The following PHLPP1 variants were observed in gnomAD, a reference collection of about 807,000 sequenced individuals.
The protein encoded by PHLPP1 is PH domain and leucine rich repeat protein phosphatase 1.
In PHLPP1, 42 loss-of-function variants were observed where a neutral mutation model predicts 117.2. The ratio of observed to expected loss-of-function variants is 0.36; its 90% CI spans 0.28 to 0.46. The LOEUF is 0.46. Ranked by LOEUF, PHLPP1 falls within the 20% of genes least tolerant of loss-of-function variation. The pLI, the probability that PHLPP1 is intolerant of heterozygous loss-of-function variation, is 1.00. For synonymous variants in PHLPP1, 1,042 were observed against 970.7 expected, an observed-to-expected ratio of 1.07 and a Z score of -1.37; for missense variants, 2,084 against 2,241.9, an observed-to-expected ratio of 0.93 and a Z score of 1.42.
intron 3 of PHLPP1, among the ~76,000 whole-genome samples, chr18:62,846,163 GGTGCCACTGCACTCCAGCCTGGGCAATGA>G (rs1297098685): frequency 7.0e-6 from 1 of 142,938 alleles, no homozygotes; most frequent in Non-Finnish European, 1.5e-5. Context: ...GACCCAAGAT[GGTGCCACTGCACTCCAGCCTGGGCAATGA>G]GAGCAAAACT....
At chr18:62,790,555 T>A (rs1393507329) in intron 1 of PHLPP1, among the ~76,000 whole-genome samples, 1 of 152,204 alleles carries the variant, frequency 6.6e-6, no homozygotes, top group Non-Finnish European at 1.5e-5. Flanking sequence ...TAATCTAGAA[T>A]ACCACATGAC....
At chr18:62,718,521 C>T (rs1042448628) in intron 1 of PHLPP1, among the ~76,000 whole-genome samples, 1 of 152,132 alleles carries the variant, frequency 6.6e-6, no homozygotes, top group Non-Finnish European at 1.5e-5. Context: ...GGAAGTTTTT[C>T]TGAAATTTAA....
intron 3 of PHLPP1, among the ~76,000 whole-genome samples, chr18:62,841,395 C>T (rs1032027973): frequency 1.4e-5 from 2 of 143,930 alleles, no homozygotes; most frequent in East Asian, 2.1e-4. Context: ...TGTAATGGGA[C>T]GGTCTTGGCT....
At chr18:62,971,669 C>T (rs922837835) in intron 14 of PHLPP1, among the ~76,000 whole-genome samples, 27 of 135,292 alleles carry the variant, frequency 2.0e-4, no homozygotes, top group Admixed American at 1.1e-3. Flanking sequence ...GAAGCAGGCT[C>T]TCTCCAGGAT....
chr18:62,740,738 T>A (rs1911500830), intron 1 of PHLPP1, among the ~76,000 whole-genome samples: 1 of 152,172 alleles, frequency 6.6e-6, no homozygotes, highest in Non-Finnish European at 1.5e-5. Context: ...TTTGGGAGAC[T>A]GAGGCAGGGG....
chr18:62,936,647 C>T (rs964301454), intron 10 of PHLPP1, among the ~76,000 whole-genome samples: 9 of 152,172 alleles, frequency 5.9e-5, no homozygotes, highest in African/African-American at 2.2e-4. Flanking sequence ...CTGAGAAGGG[C>T]ACAACCTCTG....
At chr18:62,805,657 G>A (rs755111774) in intron 1 of PHLPP1, among the ~76,000 whole-genome samples, 1 of 152,066 alleles carries the variant, frequency 6.6e-6, no homozygotes, top group Non-Finnish European at 1.5e-5. Flanking sequence ...CACCATGCCC[G>A]ACCTTTTTCC....
intron 3 of PHLPP1, among the ~76,000 whole-genome samples, chr18:62,849,591 G>A (rs1371554116): frequency 2.0e-5 from 3 of 147,778 alleles, no homozygotes; most frequent in Non-Finnish European, 4.5e-5. Context: ...AACCCAGGAG[G>A]CGAAGCCAAG....
At chr18:62,892,483 G>T (rs1196566304) in intron 4 of PHLPP1, among the ~76,000 whole-genome samples, 2 of 152,134 alleles carry the variant, frequency 1.3e-5, no homozygotes, top group Non-Finnish European at 2.9e-5. Context: ...TATTACAAAA[G>T]CAGGTACTGT....
At chr18:62,836,756 C>A (rs1914915514) in intron 2 of PHLPP1, among the ~76,000 whole-genome samples, 1 of 149,638 alleles carries the variant, frequency 6.7e-6, no homozygotes, top group African/African-American at 2.5e-5. Context: ...AAAAAAAAAA[C>A]TTCTATATTT....
At chr18:62,930,417 A>C (rs1293908804) in intron 10 of PHLPP1, among the ~76,000 whole-genome samples, 2 of 152,158 alleles carry the variant, frequency 1.3e-5, no homozygotes, top group Non-Finnish European at 2.9e-5. Context: ...AAAGAGTAGG[A>C]GTTGCTATTC....
intron 1 of PHLPP1, among the ~76,000 whole-genome samples, chr18:62,791,812 TACTG>T (rs142201047): frequency 0.012 from 1,814 of 152,298 alleles, 29 homozygotes; most frequent in African/African-American, 0.042. Flanking sequence ...TCATTGCAGA[TACTG>T]ACTGTCATTG....
At chr18:62,889,305 T>A (rs1286090493) in intron 4 of PHLPP1, among the ~76,000 whole-genome samples, 1 of 152,178 alleles carries the variant, frequency 6.6e-6, no homozygotes, top group East Asian at 1.9e-4. Context: ...TAAGTCAGAA[T>A]CAGCTCTTAA....
At chr18:62,828,834 C>A (rs368148392) in intron 1 of PHLPP1, among the ~76,000 whole-genome samples, 12 of 152,244 alleles carry the variant, frequency 7.9e-5, no homozygotes, top group East Asian at 5.8e-4. Context: ...ATATGTTATT[C>A]CTGACTGGGG....
chr18:62,804,461 C>CA (rs1913880544), intron 1 of PHLPP1, among the ~76,000 whole-genome samples: 1 of 151,958 alleles, frequency 6.6e-6, no homozygotes, highest in African/African-American at 2.4e-5. Flanking sequence ...CCTGTAATCC[C>CA]AGCACCTTGG....
At chr18:62,826,991 C>A (rs568722685) in intron 1 of PHLPP1, among the ~76,000 whole-genome samples, 1 of 152,090 alleles carries the variant, frequency 6.6e-6, no homozygotes, top group South Asian at 2.1e-4. Flanking sequence ...CAGAGTGAGA[C>A]CCTGTCTCAA....
intron 2 of PHLPP1, among the ~76,000 whole-genome samples, chr18:62,834,032 C>G (rs371069970): frequency 1.2e-4 from 19 of 152,248 alleles, no homozygotes; most frequent in Middle Eastern, 6.8e-3. Context: ...TAACACCCCT[C>G]TTTTCCCCCC....
intron 15 of PHLPP1, among the ~76,000 whole-genome samples, chr18:62,972,994 C>T (rs909156952): frequency 2.6e-5 from 4 of 152,200 alleles, no homozygotes; most frequent in Non-Finnish European, 5.9e-5. Flanking sequence ...AGATTTTCAT[C>T]AGATTGTTTG....
chr18:62,938,302 A>T (rs886489503), intron 10 of PHLPP1, among the ~76,000 whole-genome samples: 1 of 152,156 alleles, frequency 6.6e-6, no homozygotes, highest in African/African-American at 2.4e-5. Context: ...GCTTTTTTGC[A>T]AGGTTGAAAG....
Sources: allele counts gnomAD v4.1 joint callset (sites outside exome capture counted in the v4.1 genomes callset), GRCh38; gene constraint gnomAD v4.1.1; transcripts MANE v1.5; gene names NCBI Gene and HGNC (gene_info 2026-07-23, HGNC 2026-07-21).